SLC4A4: variants seen among roughly 807,000 people sequenced by gnomAD.
The protein encoded by SLC4A4 is solute carrier family 4 member 4, also known as electrogenic sodium bicarbonate cotransporter 1.
Under a neutral mutation model 111.5 loss-of-function variants are expected in SLC4A4, and 27 were observed. That is an observed-to-expected ratio of 0.24 (90% CI 0.18 to 0.33). The LOEUF (loss-of-function observed/expected upper bound fraction) is 0.33, where lower values mean the gene tolerates loss of function less well. Among genes scored for constraint, SLC4A4 ranks in the 10% least tolerant of loss-of-function variants. The pLI, the probability that SLC4A4 is intolerant of heterozygous loss-of-function variation, is 1.00. For missense variants in SLC4A4, 909 were observed against 1,315.5 expected (o/e 0.69, Z 4.78); for synonymous variants, 443 against 463.4 (o/e 0.96, Z 0.57).
At chr4:71,315,214 G>A (rs1293532229) in intron 3 of SLC4A4, among the ~76,000 whole-genome samples, 2 of 151,918 alleles carry the variant, frequency 1.3e-5, no homozygotes, top group Non-Finnish European at 1.5e-5. Flanking sequence ...GTGCCAATTG[G>A]TATCAGACCT....
At chr4:71,115,052 T>C (rs1469175076) in intron 2 of SLC4A4, among the ~76,000 whole-genome samples, 2 of 146,464 alleles carry the variant, frequency 1.4e-5, no homozygotes, top group African/African-American at 5.1e-5. Flanking sequence ...TGGATGAAAC[T>C]GGAAATCATC....
rs1184487796 is a variant in SLC4A4 at position 71,177,535 on chromosome 4, TC to T, written c.-1-59040del. Among the ~76,000 whole-genome samples the T allele has an allele frequency of 2.6e-3, 400 of 152,248 alleles. 3 individuals carry two copies. Among genetic ancestry groups the T allele is most frequent in the African/African-American group, 9.4e-3 (391 of 41,558 alleles). ...AAAGGCAGGGGTTGCAATCCTAGTC[TC>T]TGATAAAGCAGACTTTAAACCAACA... On this transcript the variant is annotated intron_variant, in intron 2 of 26. Transcript: ENST00000649996.
chr4:71,147,998 G>C (rs1744225821), intron 2 of SLC4A4, among the ~76,000 whole-genome samples: 1 of 152,064 alleles, frequency 6.6e-6, no homozygotes, highest in South Asian at 2.1e-4. Context: ...GTCCTTCCTT[G>C]CCCTCCAAAG....
chr4:71,292,851 T>G (rs1346281890), intron 3 of SLC4A4, among the ~76,000 whole-genome samples: 16 of 144,612 alleles, frequency 1.1e-4, no homozygotes, highest in Admixed American at 3.4e-4. Flanking sequence ...TGTTTTTTTT[T>G]TTTTTTTTTT....
At chr4:71,348,578 GGAGTTGCCTGGCTGT>G (rs1309676141) in intron 4 of SLC4A4, among the ~76,000 whole-genome samples, 4 of 152,298 alleles carry the variant, frequency 2.6e-5, no homozygotes, top group African/African-American at 9.6e-5. Flanking sequence ...CACTAACATG[GGAGTTGCCTGGCTGT>G]GAGAGCCTTC....
chr4:71,166,879 G>T (rs370606209), intron 2 of SLC4A4, among the ~76,000 whole-genome samples: 14 of 152,156 alleles, frequency 9.2e-5, no homozygotes, highest in African/African-American at 3.1e-4. Context: ...AGAATGTAGG[G>T]TTGAACTGTA....
chr4:71,066,641 C>A (rs1404000172), intron 1 of SLC4A4, among the ~76,000 whole-genome samples: 1 of 152,120 alleles, frequency 6.6e-6, no homozygotes, highest in Non-Finnish European at 1.5e-5. Context: ...ACAAATTAAT[C>A]AAATTGGGAA....
chr4:71,534,526 A>T, intron 18 of SLC4A4, 138 bp downstream of exon 18: 1 of 726,550 alleles, frequency 1.4e-6, no homozygotes, highest in Non-Finnish European at 2.4e-6. Context: ...AGAACCAGAG[A>T]TCACTTTGTA....
At chr4:71,208,196 C>T (rs564109717) in intron 1 of SLC4A4, among the ~76,000 whole-genome samples, 94 of 152,112 alleles carry the variant, frequency 6.2e-4, no homozygotes, top group African/African-American at 2.2e-3. Context: ...TTTGGGAGGC[C>T]GAGGCAGGCG....
At chr4:71,329,379 G>A (rs1727777079) in intron 3 of SLC4A4, among the ~76,000 whole-genome samples, 2 of 151,792 alleles carry the variant, frequency 1.3e-5, no homozygotes, top group African/African-American at 2.4e-5. Context: ...ATTTTGATAG[G>A]GATTGCATTG....
At chr4:71,329,741 A>G (rs546330742) in intron 3 of SLC4A4, among the ~76,000 whole-genome samples, 23 of 152,236 alleles carry the variant, frequency 1.5e-4, no homozygotes, top group African/African-American at 5.1e-4. Context: ...TTCCAAATAT[A>G]AGGTTATATT....
chr4:71,329,169 C>T (rs993374815), intron 3 of SLC4A4, among the ~76,000 whole-genome samples: 2 of 151,816 alleles, frequency 1.3e-5, no homozygotes, highest in African/African-American at 2.4e-5. Flanking sequence ...TATTCTGTTC[C>T]ATTGGTTTGT....
At chr4:71,380,776 G>A (rs1413662452) in intron 6 of SLC4A4, among the ~76,000 whole-genome samples, 1 of 152,140 alleles carries the variant, frequency 6.6e-6, no homozygotes, top group African/African-American at 2.4e-5. Context: ...GACTCCAGAT[G>A]GCACATTTCC....
At chr4:71,220,798 C>T (rs568928351) in intron 1 of SLC4A4, among the ~76,000 whole-genome samples, 4 of 151,916 alleles carry the variant, frequency 2.6e-5, no homozygotes, top group African/African-American at 9.7e-5. Context: ...GTTTGTTGCA[C>T]GTATTATTTC....
intron 10 of SLC4A4, 58 bp downstream of exon 10, chr4:71,450,601 G>T: frequency 6.6e-7 from 1 of 1,504,716 alleles, no homozygotes; most frequent in South Asian, 1.2e-5. Context: ...GAAGGAGGTT[G>T]TGTTAAAAAA....
At chr4:71,081,531 C>A (rs921726352) in intron 1 of SLC4A4, among the ~76,000 whole-genome samples, 2 of 152,064 alleles carry the variant, frequency 1.3e-5, no homozygotes, top group African/African-American at 4.8e-5. Flanking sequence ...GATGCTTTTG[C>A]AAAGTGAGAA....
At chr4:71,240,503 T>C (rs1379025442) in intron 2 of SLC4A4, among the ~76,000 whole-genome samples, 1 of 152,224 alleles carries the variant, frequency 6.6e-6, no homozygotes, top group Non-Finnish European at 1.5e-5. Context: ...TATATTGTGC[T>C]GGTTTTCCTC....
chr4:71,269,654 T>C (rs1256608857), intron 3 of SLC4A4, among the ~76,000 whole-genome samples: 1 of 152,254 alleles, frequency 6.6e-6, no homozygotes, highest in Non-Finnish European at 1.5e-5. Flanking sequence ...TGTCATGTAC[T>C]ATAGACTTAA....
chr4:71,456,396 T>C (rs192594150), intron 12 of SLC4A4, among the ~76,000 whole-genome samples: 64 of 152,276 alleles, frequency 4.2e-4, no homozygotes, highest in African/African-American at 1.5e-3. Flanking sequence ...TTAACAAATA[T>C]TAATAGTTTT....
Sources: gnomAD v4.1 joint callset for allele counts (sites outside exome capture counted in the v4.1 genomes callset) on GRCh38, gnomAD v4.1.1 for gene constraint, MANE v1.5 for transcripts, NCBI Gene and HGNC (gene_info 2026-07-23, HGNC 2026-07-21) for gene names.